Variants in MAB21L4 observed in about 807,000 individuals in gnomAD.
The protein encoded by MAB21L4 is mab-21 like 4.
Under a neutral mutation model 32.4 loss-of-function variants are expected in MAB21L4, and 25 were observed. The observed-to-expected ratio is 0.77, with a 90% CI of 0.56 to 1.08. MAB21L4 has a LOEUF of 1.08. Among genes scored for constraint, MAB21L4 ranks in the 50% least tolerant of loss-of-function variants. The pLI, the probability that MAB21L4 is intolerant of heterozygous loss-of-function variation, is 0.00. For synonymous variants in MAB21L4, 280 were observed against 276.8 expected, an observed-to-expected ratio of 1.01 and a Z score of -0.11; for missense variants, 638 against 611.0, an observed-to-expected ratio of 1.04 and a Z score of -0.47.
upstream of MAB21L4, among the ~76,000 whole-genome samples, chr2:240,896,621 G>A (rs1418504959): frequency 6.6e-6 from 1 of 152,200 alleles, no homozygotes; most frequent in African/African-American, 2.4e-5. Context: ...GGAACCTGGA[G>A]GCTGCGTCTC....
chr2:240,894,650 C>A (rs1438694830), intron 1 of MAB21L4, among the ~76,000 whole-genome samples: 1 of 152,186 alleles, frequency 6.6e-6, no homozygotes, highest in Non-Finnish European at 1.5e-5. Flanking sequence ...ACTAAAAATA[C>A]AAAAATTAGC....
Position 240,895,525 on chromosome 2 carries a change from G to C in MAB21L4, c.473C>G (p.Ala158Gly). The change falls in exon 1 of 5, where the codon GCA becomes GGA. Residue 158 changes from alanine (A) to glycine (G), a missense_variant. Physicochemically the swap from Ala to Gly is moderately conservative, Grantham distance 60 (BLOSUM62 0). Transcript: ENST00000388934. ...GTGGTGCTTGCAGTGTACGATGGCT[G>C]CTACCAGCAGGTCCTTGAGGACACA... ...VLCVLKDLLV[A>G]AIVHCKHHSL... 5 of 1,597,610 alleles carry C rather than the reference G, an allele frequency of 3.1e-6. No individual in the cohort carries two copies. The highest frequency in any genetic ancestry group is 4.3e-6 in the Non-Finnish European group (5 of 1,170,818).
intron 1 of MAB21L4, among the ~76,000 whole-genome samples, chr2:240,892,751 A>G (rs2059160595): frequency 6.6e-6 from 1 of 152,172 alleles, no homozygotes; most frequent in Admixed American, 6.5e-5. Context: ...TGTCCCCCAC[A>G]GGAGGCACAT....
chr2:240,893,104 A>G (rs911313680), intron 1 of MAB21L4, among the ~76,000 whole-genome samples: 1 of 152,288 alleles, frequency 6.6e-6, no homozygotes, highest in Non-Finnish European at 1.5e-5. Flanking sequence ...CAGGGTGCCC[A>G]GGTCACAGGG....
chr2:240,889,394 C>T (rs1207514988), intron 3 of MAB21L4, among the ~76,000 whole-genome samples: 1 of 152,122 alleles, frequency 6.6e-6, no homozygotes, highest in Non-Finnish European at 1.5e-5. Flanking sequence ...TGTGGAGCAG[C>T]GCCCGGCTGG....
At chr2:240,891,812 A>C in intron 1 of MAB21L4, 49 bp from the exon 2 acceptor site, 1 of 1,603,256 alleles carries the variant, frequency 6.2e-7, no homozygotes, top group Non-Finnish European at 8.5e-7. Context: ...TCACCTGCCC[A>C]GGACACTCCA....
At chr2:240,888,191 G>T in intron 4 of MAB21L4, 101 bp downstream of exon 4, 1 of 962,606 alleles carries the variant, frequency 1.0e-6, no homozygotes, top group Non-Finnish European at 1.5e-6. Context: ...CATTCCTGGG[G>T]CTGCTGACCT....
rs2059151963 is a variant in MAB21L4, at chr2:240,891,732, C to T, written c.546G>A (p.Glu182=). 6.2e-7 allele frequency: 1 copy of T among 1,609,724 alleles called. No homozygotes were observed. ...GSLNAASLRE[E]QLHLSLLVSS... ...ACACCAGCAAGGACAGGTGGAGCTG[C>T]TCCTCCCTCAGGCTGGCCGCGTTCA... The change falls in exon 2 of 5, where the codon GAG becomes GAA. Residue 182 remains glutamate (E), a synonymous_variant. Transcript: ENST00000388934.
At chr2:240,892,975 C>T (rs532705580) in intron 1 of MAB21L4, among the ~76,000 whole-genome samples, 14 of 152,278 alleles carry the variant, frequency 9.2e-5, no homozygotes, top group Non-Finnish European at 1.8e-4. Context: ...AATTAATATC[C>T]GAGAATGAAG....
intron 1 of MAB21L4, 199 bp from the exon 2 acceptor site, chr2:240,891,962 G>A: frequency 6.4e-7 from 1 of 1,551,468 alleles, no homozygotes; most frequent in Non-Finnish European, 8.7e-7. Context: ...GCCAAGTGAG[G>A]AGCTGGCCAC....
chr2:240,891,177 C>T (rs527660991), intron 2 of MAB21L4, among the ~76,000 whole-genome samples: 3 of 152,300 alleles, frequency 2.0e-5, no homozygotes, highest in African/African-American at 4.8e-5. Flanking sequence ...GTGTGGGAAC[C>T]CTCTCAGCTT....
rs571841660 is a variant in MAB21L4 at position 240,891,783 on chromosome 2, G to T, written c.515-20C>A. The stretch of plus-strand genomic sequence containing the variant: ...GCGAACCTGCAAAGACCCAAGTCAC[G>T]CCGGCCCCTCGACTTGCCTCACCTG... On this transcript the variant is annotated intron_variant, in intron 1 of 4. Coordinates refer to ENST00000388934, the MANE Select transcript of MAB21L4 (RefSeq NM_001085437.3). The T allele has an allele frequency of 6.2e-7, 1 of 1,603,490 alleles. No homozygotes were observed.
In MAB21L4 at chr2:240,895,499, T is replaced by A. The variant is rs1348058593; in HGVS notation, c.499A>T (p.Ser167Cys). 6.4e-7 allele frequency: 1 copy of A among 1,569,470 alleles called. No individual in the cohort carries two copies. ...VAAIVHCKHH[S>C]LIAPGSLNAA... Reference sequence around the variant, plus strand: ...GTGCCTGTACCTGGTGCGATGAGACTGTGGTGCTTGCAGTGTACGATGGCT... The same window carrying A: ...GTGCCTGTACCTGGTGCGATGAGACAGTGGTGCTTGCAGTGTACGATGGCT... The change falls in exon 1 of 5, where the codon AGT (serine) becomes TGT (cysteine). Residue 167 changes from serine (S) to cysteine (C), a missense_variant. By Grantham distance (112) the Ser-to-Cys change is moderately radical. Transcript: ENST00000388934.
intron 1 of MAB21L4, among the ~76,000 whole-genome samples, chr2:240,893,548 G>A (rs1045329441): frequency 6.6e-6 from 1 of 152,358 alleles, no homozygotes; most frequent in African/African-American, 2.4e-5. Context: ...CCCGGCCACA[G>A]GCCACAGCCC....
At chr2:240,893,765 G>A (rs376166292) in intron 1 of MAB21L4, among the ~76,000 whole-genome samples, 9 of 81,390 alleles carry the variant, frequency 1.1e-4, no homozygotes, top group African/African-American at 3.2e-4. Context: ...GGAGCCTGGC[G>A]GCTTAGAGCA....
At chr2:240,896,469 G>GC (rs1210434532), upstream of MAB21L4, among the ~76,000 whole-genome samples, 1 of 152,134 alleles carries the variant, frequency 6.6e-6, no homozygotes, top group African/African-American at 2.4e-5. Context: ...TCTGGATCAG[G>GC]CCCCCCTGCC....
At chr2:240,890,960 G>A (rs1282542267) in intron 2 of MAB21L4, among the ~76,000 whole-genome samples, 2 of 152,230 alleles carry the variant, frequency 1.3e-5, no homozygotes, top group African/African-American at 2.4e-5. Flanking sequence ...AACCAGCTTT[G>A]CAAAGCCCTC....
intron 3 of MAB21L4, 110 bp downstream of exon 3, chr2:240,889,895 G>T: frequency 7.7e-7 from 1 of 1,292,986 alleles, no homozygotes; most frequent in African/African-American, 1.5e-5. Flanking sequence ...ACTCCGACTT[G>T]GGACTCATAG....
chr2:240,892,707 C>T (rs1377368492), intron 1 of MAB21L4, among the ~76,000 whole-genome samples: 1 of 152,170 alleles, frequency 6.6e-6, no homozygotes, highest in Non-Finnish European at 1.5e-5. Context: ...CCTACACTTC[C>T]CAGAGAGCCC....
Sources: gnomAD v4.1 joint callset for allele counts (sites outside exome capture counted in the v4.1 genomes callset) on GRCh38, gnomAD v4.1.1 for gene constraint, MANE v1.5 for transcripts, NCBI Gene and HGNC (gene_info 2026-07-23, HGNC 2026-07-21) for gene names.